The following MYADM variants were observed in gnomAD, a reference collection of about 807,000 sequenced individuals.
The protein encoded by MYADM is myeloid-associated differentiation marker.
For missense variants in MYADM, 416 were observed against 443.4 expected, an observed-to-expected ratio of 0.94 and a Z score of 0.56; for synonymous variants, 224 against 210.2, an observed-to-expected ratio of 1.07 and a Z score of -0.57.
chr19:53,874,580 T>G lies in MYADM; in HGVS notation c.*82T>G. 1 of 1,458,078 alleles carries G rather than the reference T, an allele frequency of 6.9e-7. No individual in the cohort carries two copies. Among genetic ancestry groups the G allele is most frequent in the Non-Finnish European group, 9.1e-7 (1 of 1,093,622 alleles). The allele number at this position is 1,458,078 out of a possible 1,614,324, so 90.3% of individuals were successfully genotyped here. A position where few individuals can be genotyped will look rare whatever the true frequency, so the allele number is the denominator to read the frequency against. Reference sequence around the variant, plus strand: ...TTTTCTTTATGGAGTACTTCTTTCCTCCGCCTTTCCTCTGTTTTCCTCTTC... The same window carrying G: ...TTTTCTTTATGGAGTACTTCTTTCCGCCGCCTTTCCTCTGTTTTCCTCTTC... On this transcript the variant is annotated 3_prime_UTR_variant, in exon 3 of 3. Coordinates refer to ENST00000391770, the MANE Select transcript of MYADM (RefSeq NM_138373.5).
In MYADM at chr19:53,873,707, T is replaced by G. The variant is rs780865296; in HGVS notation, c.178T>G (p.Trp60Gly). Residue 60 changes from tryptophan to glycine, a missense_variant, in exon 3 of 3, where the codon TGG becomes GGG. Coordinates refer to ENST00000391770, the MANE Select transcript of MYADM (RefSeq NM_138373.5). The surrounding 1 kb of genome is among the most constrained non-coding windows in gnomAD (Gnocchi z 4.3). ...CTCGCTGGTGGCTAGCGTGGGCGCCTGGACGGGGTCCATGGGCAACTGGTC... is the reference window on the plus strand; with the variant it reads ...CTCGCTGGTGGCTAGCGTGGGCGCCGGGACGGGGTCCATGGGCAACTGGTC... ...AFSLVASVGA[W>G]TGSMGNWSMF... 1 of 1,614,080 alleles carries G rather than the reference T, an allele frequency of 6.2e-7. No homozygotes were observed. Among genetic ancestry groups the G allele is most frequent in the East Asian group, 2.2e-5 (1 of 44,858 alleles).
chr19:53,871,839 G>C (rs2068395789), intron 2 of MYADM, among the ~76,000 whole-genome samples: 1 of 152,052 alleles, frequency 6.6e-6, no homozygotes, highest in Non-Finnish European at 1.5e-5. Context: ...TGACACTTGG[G>C]TTGTGGCAGG....
At position 53,874,428 on chromosome 19, in the gene MYADM, C is replaced by T. The variant is rs776582147; in HGVS notation, c.899C>T (p.Thr300Met). 4.0e-5 allele frequency: 64 copies of T among 1,613,992 alleles called. No homozygotes were observed. Among genetic ancestry groups the T allele is most frequent in the Non-Finnish European group, 5.4e-5 (64 of 1,179,958 alleles). Residue 300 changes from threonine (T) to methionine (M), a missense_variant, in exon 3 of 3, where the codon ACG (threonine) becomes ATG (methionine). Physicochemically the swap from Thr to Met is moderately conservative, Grantham distance 81. Transcript: ENST00000391770. Reference sequence around the variant, plus strand: ...CGCCGACTGGCTGTGGCCATCCTGACGGCCATCAACCTACTGGCGTATGTG... The same window carrying T: ...CGCCGACTGGCTGTGGCCATCCTGATGGCCATCAACCTACTGGCGTATGTG... ...WDRRLAVAILTAINLLAYVAD... is the reference protein window; with the variant it reads ...WDRRLAVAILMAINLLAYVAD...
rs1383852083 is a variant in MYADM at position 53,867,904 on chromosome 19, T to C, written c.-127T>C. The C allele has an allele frequency of 6.6e-6, 1 of 150,956 alleles. No homozygotes were observed. Among genetic ancestry groups the C allele is most frequent in the African/African-American group, 2.4e-5 (1 of 41,278 alleles). 9.4% of individuals were successfully genotyped at this position (150,956 alleles called of 1,614,324 possible). On this transcript the variant is annotated 5_prime_UTR_variant, in exon 1 of 3. Transcript: ENST00000391770. ...CCTCAGACCCTTCCAGCTGCCGCTG[T>C]CGTCTTTGCTTCAGCCGCAGTCGCC...
chr19:53,872,105 G>T (rs963171076), intron 2 of MYADM, among the ~76,000 whole-genome samples: 2 of 152,046 alleles, frequency 1.3e-5, no homozygotes, highest in Non-Finnish European at 2.9e-5. Flanking sequence ...CACCATGTTG[G>T]TCAGGCTGGT....
Position 53,873,684 on chromosome 19 carries a change from C to T in MYADM, c.155C>T (p.Ser52Leu). ...CTGGTGTCTACCTGCGTGGCCTTCTCGCTGGTGGCTAGCGTGGGCGCCTGG... is the reference window on the plus strand; with the variant it reads ...CTGGTGTCTACCTGCGTGGCCTTCTTGCTGGTGGCTAGCGTGGGCGCCTGG... Reference protein sequence around the residue: ...LQLVSTCVAFSLVASVGAWTG... With the variant: ...LQLVSTCVAFLLVASVGAWTG... The change falls in exon 3 of 3, where the codon TCG becomes TTG. Residue 52 changes from serine to leucine, a missense_variant. Ser to Leu is a moderately radical substitution (Grantham distance 145). Transcript: ENST00000391770. The surrounding 1 kb of genome is among the most constrained non-coding windows in gnomAD (Gnocchi z 4.3). 1 of 1,614,144 alleles carries T rather than the reference C, an allele frequency of 6.2e-7. No homozygotes were observed. Among genetic ancestry groups the T allele is most frequent in the Non-Finnish European group, 8.5e-7 (1 of 1,180,032 alleles).
At position 53,870,538 on chromosome 19, in the gene MYADM, A is replaced by G. The variant is rs370404233; in HGVS notation, c.-3+700A>G. ...CCAGGAAGCTTGGGCTCCAAGGAAT[A>G]GGGTCCCAGACACTGAGGTATCTGA... On this transcript the variant is annotated intron_variant, in intron 2 of 2. Transcript: ENST00000391770. 9.2e-5 allele frequency among the ~76,000 whole-genome samples: 14 copies of G among 152,182 alleles called. No homozygotes were observed. In the South Asian group the frequency reaches 2.9e-3, roughly 32 times the overall value.
Position 53,873,928 on chromosome 19 carries a change from G to A in MYADM, c.399G>A (p.Ser133=). 2.5e-6 allele frequency: 4 copies of A among 1,611,804 alleles called. No individual in the cohort carries two copies. The highest frequency in any genetic ancestry group is 3.4e-6 in the Non-Finnish European group (4 of 1,180,014). The change falls in exon 3 of 3, where the codon TCG becomes TCA. Residue 133 remains serine (S), a synonymous_variant. Coordinates refer to ENST00000391770, the MANE Select transcript of MYADM (RefSeq NM_138373.5). The surrounding 1 kb of genome is among the most constrained non-coding windows in gnomAD (Gnocchi z 4.3). ...TCCAGTTCCTGTCCCACGGCCGTTC[G>A]CGGGACCACGCCATCGCCGCCACCT... ...TYVQFLSHGR[S]RDHAIAATFF... is the part of the protein sequence containing the mutation.
At position 53,874,019 on chromosome 19, in the gene MYADM, G is replaced by A. The variant is rs2068459889; in HGVS notation, c.490G>A (p.Glu164Lys). 1 of 1,608,592 alleles carries A rather than the reference G, an allele frequency of 6.2e-7. No individual in the cohort carries two copies. Among genetic ancestry groups the A allele is most frequent in the African/African-American group, 1.3e-5 (1 of 74,946 alleles). The change falls in exon 3 of 3, where the codon GAG (glutamate) becomes AAG (lysine). Residue 164 changes from glutamate to lysine, a missense_variant. Coordinates refer to ENST00000391770, the MANE Select transcript of MYADM (RefSeq NM_138373.5). ...GGCCTGGACCCGGGCCCGGCCCGGC[G>A]AGATCACTGGCTATATGGCCACCGT... ...EVAWTRARPG[E>K]ITGYMATVPG...
chr19:53,873,380 A>AAAAAG lies in MYADM; in HGVS notation c.-2-138_-2-134dup, dbSNP rs979407135. 1.1e-6 allele frequency: 1 copy of AAAAAG among 890,986 alleles called. No homozygotes were observed. Among genetic ancestry groups the AAAAAG allele is most frequent in the African/African-American group, 1.7e-5 (1 of 59,196 alleles). 55.2% of individuals were successfully genotyped at this position (890,986 alleles called of 1,614,324 possible). ...GAGCAAGACTCTGTCTCAAAAAAAA[A>AAAAAG]AAAAGAAAAGAAAACCGAAAGCCCC... On this transcript the variant is annotated intron_variant, in intron 2 of 2. Transcript: ENST00000391770. The surrounding 1 kb of genome is among the most constrained non-coding windows in gnomAD (Gnocchi z 4.3).
chr19:53,867,543 G>A (rs1490886715), upstream of MYADM, among the ~76,000 whole-genome samples: 1 of 152,130 alleles, frequency 6.6e-6, no homozygotes, highest in Non-Finnish European at 1.5e-5. Flanking sequence ...CTATGGTAAC[G>A]GTCTTCCCTG....
upstream of MYADM, among the ~76,000 whole-genome samples, chr19:53,867,135 C>T (rs74787880): frequency 0.013 from 1,917 of 152,296 alleles, 39 homozygotes; most frequent in African/African-American, 0.044. Flanking sequence ...AGTCCCTTAC[C>T]CTGCGGCGCC....
Position 53,873,445 on chromosome 19 carries a change from G to A in MYADM, c.-2-83G>A. ...CCCTAATTAGAGCTCATATTAATTT[G>A]TCCCTGGGGTAGGCAATGGCTAAGG... On this transcript the variant is annotated intron_variant, in intron 2 of 2. Transcript: ENST00000391770. The surrounding 1 kb of genome is among the most constrained non-coding windows in gnomAD (Gnocchi z 4.3). The A allele has an allele frequency of 2.1e-6, 3 of 1,421,078 alleles. No homozygotes were observed. The highest frequency in any genetic ancestry group is 2.9e-6 in the Non-Finnish European group (3 of 1,049,666). 88.0% of individuals were successfully genotyped at this position (1,421,078 alleles called of 1,614,324 possible).
At position 53,868,532 on chromosome 19, in the gene MYADM, G is replaced by A. The variant is rs1432461795; in HGVS notation, c.-88+589G>A. On this transcript the variant is annotated intron_variant, in intron 1 of 2. Coordinates refer to ENST00000391770, the MANE Select transcript of MYADM (RefSeq NM_138373.5). This position sits in a 1 kb window ranked among gnomAD's most constrained non-coding sequence, Gnocchi z 6.3. ...GGCTCCTGAAAGGCCGAGGGAGGGGGGTGTTAAGATCCAGCCCCGTGCTTC... is the reference window on the plus strand; with the variant it reads ...GGCTCCTGAAAGGCCGAGGGAGGGGAGTGTTAAGATCCAGCCCCGTGCTTC... Among the ~76,000 whole-genome samples, 1 of 152,070 alleles carries A rather than the reference G, an allele frequency of 6.6e-6. No homozygotes were observed. The highest frequency in any genetic ancestry group is 6.6e-5 in the Admixed American group (1 of 15,262).
chr19:53,873,968 G>A lies in MYADM; in HGVS notation c.439G>A (p.Ala147Thr), dbSNP rs781342599. 4 of 1,609,922 alleles carry A rather than the reference G, an allele frequency of 2.5e-6. No individual in the cohort carries two copies. The highest frequency in any genetic ancestry group is 2.2e-5 in the East Asian group (1 of 44,864). Residue 147 changes from alanine (A) to threonine (T), a missense_variant, in exon 3 of 3, where the codon GCG (alanine) becomes ACG (threonine). Physicochemically the swap from Ala to Thr is moderately conservative, Grantham distance 58. Coordinates refer to ENST00000391770, the MANE Select transcript of MYADM (RefSeq NM_138373.5). The surrounding 1 kb of genome is among the most constrained non-coding windows in gnomAD (Gnocchi z 4.3). ...AIAATFFSCI[A>T]CVAYATEVAW... is the part of the protein sequence containing the mutation. The stretch of plus-strand genomic sequence containing the variant: ...CGCCGCCACCTTCTTCTCCTGCATC[G>A]CGTGTGTGGCTTACGCCACCGAAGT...
upstream of MYADM, chr19:53,867,741 G>GC (rs890916994): frequency 3.0e-4 from 45 of 152,510 alleles, no homozygotes; most frequent in African/African-American, 9.9e-4. Context: ...TCTGCTCTTG[G>GC]CCCCGCCTCG....
intron 2 of MYADM, among the ~76,000 whole-genome samples, chr19:53,870,234 A>G (rs1339607003): frequency 3.1e-3 from 31 of 9,952 alleles, no homozygotes; most frequent in African/African-American, 9.2e-3. Flanking sequence ...TGGGGTCTGG[A>G]CTCCTGGGTC....
chr19:53,874,480 G>T lies in MYADM; in HGVS notation c.951G>T (p.Leu317=), dbSNP rs756586612. 17 of 1,608,966 alleles carry T rather than the reference G, an allele frequency of 1.1e-5. No individual in the cohort carries two copies. The highest frequency in any genetic ancestry group is 1.4e-5 in the Non-Finnish European group (17 of 1,177,454). The change falls in exon 3 of 3, where the codon CTG becomes CTT. Residue 317 remains leucine, a synonymous_variant. Transcript: ENST00000391770. ...YVADLVHSAH[L]VFVKV is the part of the protein sequence containing the mutation. ...CTGACCTGGTGCACTCTGCCCACCT[G>T]GTTTTTGTCAAGGTCTAAGACTCTC...
At position 53,869,794 on chromosome 19, in the gene MYADM, C is replaced by G. The variant is rs1186379553; in HGVS notation, c.-47C>G. 2 of 153,640 alleles carry G rather than the reference C, an allele frequency of 1.3e-5. No individual in the cohort carries two copies. Among genetic ancestry groups the G allele is most frequent in the East Asian group, 1.9e-4 (1 of 5,212 alleles). The allele number at this position is 153,640 out of a possible 1,614,324, so 9.5% of individuals were successfully genotyped here. A position where few individuals can be genotyped will look rare whatever the true frequency, so the allele number is the denominator to read the frequency against. On this transcript the variant is annotated 5_prime_UTR_variant, in exon 2 of 3. Transcript: ENST00000391770. ...GTTCCAAGTGTGGCTTAATCCGTCT[C>G]CACCACCAGATCTTTCTCCGTGGAT... is the stretch of plus-strand genomic sequence containing the variant.
Sources: gnomAD v4.1 joint callset for allele counts (sites outside exome capture counted in the v4.1 genomes callset) on GRCh38, gnomAD v4.1.1 for gene constraint, Gnocchi (gnomAD v3.1) non-coding constraint, MANE v1.5 for transcripts, NCBI Gene and HGNC (gene_info 2026-07-23, HGNC 2026-07-21) for gene names.